Variants in AKAP13 observed in about 807,000 individuals in gnomAD.
AKAP13 encodes A-kinase anchoring protein 13.
A neutral mutation model predicts 264.5 loss-of-function variants in AKAP13; 80 were observed. The ratio of observed to expected loss-of-function variants is 0.30; its 90% CI spans 0.25 to 0.36. AKAP13 has a LOEUF of 0.36. AKAP13 is among the 10% of genes least tolerant of loss of function. The pLI, the probability that AKAP13 is intolerant of heterozygous loss-of-function variation, is 1.00. For missense variants in AKAP13, 3,712 were observed against 3,435.2 expected (o/e 1.08, Z -2.01); for synonymous variants, 1,380 against 1,250.2 (o/e 1.10, Z -2.19).
intron 8 of AKAP13, among the ~76,000 whole-genome samples, chr15:85,629,764 C>CTTTTTT (rs773396099): frequency 0.015 from 764 of 50,534 alleles, 146 homozygotes; most frequent in Non-Finnish European, 0.019. Context: ...CCTTTACAGC[C>CTTTTTT]TTTTTTTTTT....
At chr15:85,684,709 T>G (rs1567194083) in intron 15 of AKAP13, 32 bp from the exon 16 acceptor site, 3 of 1,586,874 alleles carry the variant, frequency 1.9e-6, no homozygotes, top group Non-Finnish European at 1.7e-6. Context: ...TGTAGCCCTT[T>G]AAAAAAAATC....
chr15:85,403,184 A>G (rs185831918), intron 1 of AKAP13, among the ~76,000 whole-genome samples: 210 of 152,324 alleles, frequency 1.4e-3, no homozygotes, highest in Non-Finnish European at 2.5e-3. Flanking sequence ...AATTATTCCT[A>G]AAAGAATAAT....
At chr15:85,629,146 A>T (rs377010062) in intron 8 of AKAP13, among the ~76,000 whole-genome samples, 7 of 152,088 alleles carry the variant, frequency 4.6e-5, no homozygotes, top group African/African-American at 1.7e-4. Context: ...GCAGTGAGGT[A>T]TGATTGCACC....
chr15:85,709,659 A>AATTTTATTTT (rs56793112), intron 18 of AKAP13, among the ~76,000 whole-genome samples: 4,973 of 137,810 alleles, frequency 0.036, 134 homozygotes, highest in East Asian at 0.067. Flanking sequence ...TAAAAGGGGG[A>AATTTTATTTT]ATTTTATTTT....
chr15:85,643,317 A>G (rs2082397668), intron 9 of AKAP13, among the ~76,000 whole-genome samples: 1 of 151,930 alleles, frequency 6.6e-6, no homozygotes, highest in South Asian at 2.1e-4. Flanking sequence ...GTTACTCCCC[A>G]GTATTTAGCC....
chr15:85,455,959 G>A (rs1310824926), intron 1 of AKAP13, among the ~76,000 whole-genome samples: 3 of 152,166 alleles, frequency 2.0e-5, no homozygotes, highest in African/African-American at 4.8e-5. Context: ...TCTATGTTAT[G>A]TACCCTGAAG....
intron 2 of AKAP13, among the ~76,000 whole-genome samples, chr15:85,510,542 A>G (rs1039035607): frequency 6.6e-6 from 1 of 152,220 alleles, no homozygotes; most frequent in African/African-American, 2.4e-5. Flanking sequence ...TAATGTTTGT[A>G]TTTTAAAAAA....
At chr15:85,494,583 G>T (rs769832993) in intron 2 of AKAP13, among the ~76,000 whole-genome samples, 1 of 152,168 alleles carries the variant, frequency 6.6e-6, no homozygotes, top group Non-Finnish European at 1.5e-5. Context: ...GAGAGGTCAG[G>T]ACTGGTGACG....
chr15:85,456,460 T>A (rs1039099536), intron 1 of AKAP13, among the ~76,000 whole-genome samples: 3 of 151,944 alleles, frequency 2.0e-5, no homozygotes, highest in African/African-American at 4.8e-5. Context: ...TTTTAAAAAA[T>A]TTTATTTTTT....
In AKAP13 at chr15:85,736,090, G is replaced by C. The variant is rs1402673871; in HGVS notation, c.7513G>C (p.Gly2505Arg). The C allele has an allele frequency of 5.0e-6, 8 of 1,603,184 alleles. No homozygotes were observed. In the Admixed American group the frequency reaches 5.0e-5, roughly 10 times the overall value. ...RTESDSGLKK[G>R]GNANLVFMLK... is the part of the protein sequence containing the mutation. ...TATATGTATGTTTTTTGTTTTATAG[G>C]GTGGAAATGCTAACCTGGTATTTAT... Residue 2505 changes from glycine (G) to arginine (R), a missense_variant and splice_region_variant, in exon 33 of 37, where the codon GGT becomes CGT. Around this residue, in one of 3 missense-constraint regions of AKAP13, gnomAD observed 611 missense variants for 539.3 expected, o/e 1.13. Transcript: ENST00000394518.
intron 8 of AKAP13, among the ~76,000 whole-genome samples, chr15:85,627,254 A>C (rs745638351): frequency 6.6e-6 from 1 of 152,090 alleles, no homozygotes; most frequent in Non-Finnish European, 1.5e-5. Context: ...TGTTATTTCA[A>C]ACTCAACATG....
intron 1 of AKAP13, 126 bp from the exon 2 acceptor site, chr15:85,485,584 A>G: frequency 1.4e-6 from 1 of 722,462 alleles, no homozygotes; most frequent in Non-Finnish European, 2.4e-6. Flanking sequence ...ACAGCTGGGC[A>G]TATGGTAATC....
intron 4 of AKAP13, chr15:85,537,085 G>A (rs1484969751): frequency 6.6e-6 from 1 of 152,210 alleles, no homozygotes; most frequent in Non-Finnish European, 1.5e-5. Context: ...CTGGGATGAG[G>A]AATCTGATTT....
chr15:85,562,596 T>C (rs1211860407), intron 5 of AKAP13, among the ~76,000 whole-genome samples: 1 of 134,712 alleles, frequency 7.4e-6, no homozygotes, highest in African/African-American at 2.7e-5. Context: ...TATATATATA[T>C]ATATATATAT....
intron 1 of AKAP13, among the ~76,000 whole-genome samples, chr15:85,456,550 G>GTTTTTT (rs34952196): frequency 3.3e-5 from 4 of 121,858 alleles, no homozygotes; most frequent in African/African-American, 1.3e-4. Context: ...CCCACTTTCT[G>GTTTTTT]TTTTTTTTTT....
In AKAP13 at chr15:85,669,823, A is replaced by T. The variant is rs769249942; in HGVS notation, c.5094A>T (p.Gly1698=). The change falls in exon 14 of 37, where the codon GGA becomes GGT. Residue 1698 remains glycine (G), a synonymous_variant. Transcript: ENST00000394518. The part of the protein sequence containing the change: ...SISLMTISHP[G]LDNSRPFHST... The stretch of plus-strand genomic sequence containing the variant: ...CATTAATGACAATCAGCCATCCTGG[A>T]TTGGACAGTGAGTATACTACTTTTT... 1.0e-5 allele frequency: 16 copies of T among 1,602,302 alleles called. No individual in the cohort carries two copies. The East Asian group carries it at 2.9e-4, about 29-fold the overall frequency.
intron 19 of AKAP13, 98 bp from the exon 20 acceptor site, chr15:85,715,690 A>G: frequency 9.1e-7 from 1 of 1,092,952 alleles, no homozygotes; most frequent in Admixed American, 2.9e-5. Context: ...GGGCAAATCC[A>G]CTGTAAAGCG....
At chr15:85,638,312 CTTGTT>C (rs1294355217) in intron 8 of AKAP13, among the ~76,000 whole-genome samples, 2 of 151,962 alleles carry the variant, frequency 1.3e-5, no homozygotes, top group African/African-American at 2.4e-5. Flanking sequence ...ATATTTAAGA[CTTGTT>C]TTGTGCTACA....
intron 10 of AKAP13, among the ~76,000 whole-genome samples, chr15:85,647,096 T>G (rs2082593452): frequency 6.6e-6 from 1 of 152,174 alleles, no homozygotes; most frequent in Non-Finnish European, 1.5e-5. Context: ...TGAATGATGC[T>G]GTGTAGAAGT....
Sources: allele counts gnomAD v4.1 joint callset (sites outside exome capture counted in the v4.1 genomes callset), GRCh38; gene constraint gnomAD v4.1.1; regional missense constraint gnomAD v4.1.1; transcripts MANE v1.5; gene names NCBI Gene and HGNC (gene_info 2026-07-23, HGNC 2026-07-21).